Variants in INF2 observed in about 807,000 individuals in gnomAD.
INF2 encodes the protein inverted formin-2.
In INF2, 43 loss-of-function variants were observed where a neutral mutation model predicts 123.5. That is an observed-to-expected ratio of 0.35 (90% CI 0.27 to 0.45). The LOEUF (loss-of-function observed/expected upper bound fraction) is 0.45. Ranked by LOEUF, INF2 falls within the 20% of genes least tolerant of loss-of-function variation. INF2 has a pLI of 1.00. For synonymous variants in INF2, 851 were observed against 745.0 expected, an observed-to-expected ratio of 1.14 and a Z score of -2.32; for missense variants, 1,453 against 1,682.7, an observed-to-expected ratio of 0.86 and a Z score of 2.39.
rs979967600 is a variant in INF2, at chr14:104,719,099, G to A, written c.*306G>A. On this transcript the variant is annotated 3_prime_UTR_variant, in exon 23 of 23. Coordinates refer to ENST00000392634, the MANE Select transcript of INF2 (RefSeq NM_022489.4). Reference sequence around the variant, plus strand: ...ATGCGCCCGGTGCAGCCTGCCAAGGGCCAGTCGGGGGGTGCTGCGTCCTGC... The same window carrying A: ...ATGCGCCCGGTGCAGCCTGCCAAGGACCAGTCGGGGGGTGCTGCGTCCTGC... The A allele has an allele frequency of 2.0e-6, 1 of 507,728 alleles. No homozygotes were observed. Among genetic ancestry groups the A allele is most frequent in the South Asian group, 3.1e-5 (1 of 31,774 alleles). 31.5% of individuals were successfully genotyped at this position (507,728 alleles called of 1,614,324 possible).
rs947455057 is a variant in INF2 at position 104,699,578 on chromosome 14, C to A, written c.-9-1779C>A. ...CCCAGAGTGGGTGGGCAGAGGTGGC[C>A]GGAAGGTCTTGCGCATCTGGGTGAG... On this transcript the variant is annotated intron_variant, in intron 1 of 22. Transcript: ENST00000392634. This position sits in a 1 kb window ranked among gnomAD's most constrained non-coding sequence, Gnocchi z 4.7. The A allele has an allele frequency of 3.0e-6, 3 of 984,142 alleles. No homozygotes were observed. Among genetic ancestry groups the A allele is most frequent in the South Asian group, 4.7e-5 (1 of 21,222 alleles). The allele number at this position is 984,142 out of a possible 1,614,324, so 61.0% of individuals were successfully genotyped here.
intron 5 of INF2, chr14:104,704,846 A>T (rs1390460649): frequency 6.6e-6 from 1 of 152,272 alleles, no homozygotes; most frequent in Non-Finnish European, 1.5e-5. Context: ...CATGCAGTTC[A>T]TTCAGGTTTC....
chr14:104,689,155 G>C (rs920369553), upstream of INF2: 5 of 964,022 alleles, frequency 5.2e-6, no homozygotes, highest in East Asian at 5.8e-4. Context: ...CCCAAAGCCT[G>C]GGAAGAGCCA....
upstream of INF2, chr14:104,689,257 C>T (rs1401670500): frequency 1.0e-6 from 1 of 985,228 alleles, no homozygotes; most frequent in African/African-American, 1.7e-5. Context: ...TGAGCGGCGC[C>T]TGGGAGGCCA....
chr14:104,700,569 G>C (rs1889429369), intron 1 of INF2, among the ~76,000 whole-genome samples: 1 of 152,172 alleles, frequency 6.6e-6, no homozygotes, highest in Non-Finnish European at 1.5e-5. Context: ...TGGTGGCGTG[G>C]AGCTGATGTC....
In INF2 at chr14:104,703,474, C is replaced by A. The variant is rs182087942; in HGVS notation, c.667+20C>A. 2.4e-5 allele frequency: 38 copies of A among 1,609,256 alleles called. 1 individual carries two copies. Among genetic ancestry groups the A allele is most frequent in the African/African-American group, 2.1e-4 (16 of 75,012 alleles). ...TTATCGGTAAGCACCTGCCCTGGGC[C>A]GCATGCCCGCTCCTGCCCGCCTCTT... On this transcript the variant is annotated intron_variant, in intron 4 of 22. Coordinates refer to ENST00000392634, the MANE Select transcript of INF2 (RefSeq NM_022489.4).
intron 18 of INF2, 42 bp from the exon 19 acceptor site, chr14:104,713,165 G>A: frequency 6.3e-7 from 1 of 1,577,150 alleles, no homozygotes; most frequent in Non-Finnish European, 8.6e-7. Context: ...AGCCCCTGAG[G>A]GATGCCACGC....
intron 22 of INF2, among the ~76,000 whole-genome samples, chr14:104,717,036 A>G (rs1456522420): frequency 1.3e-5 from 2 of 152,238 alleles, no homozygotes; most frequent in Non-Finnish European, 2.9e-5. Flanking sequence ...AGGAAACTGC[A>G]TAGATCAGAA....
Position 104,713,488 on chromosome 14 carries a change from T to C in INF2, c.2922T>C (p.Asp974=). ...PGKQEEVCVI[D]ALLADIRKGF... is the part of the protein sequence containing the mutation. ...AGCAGGAGGAGGTGTGTGTCATCGA[T>C]GCCCTGCTGGCTGACATCAGGAAGG... The change falls in exon 20 of 23, where the codon GAT becomes GAC. Residue 974 remains aspartate, a synonymous_variant. Transcript: ENST00000392634. 1 of 1,611,636 alleles carries C rather than the reference T, an allele frequency of 6.2e-7. No individual in the cohort carries two copies. The highest frequency in any genetic ancestry group is 8.5e-7 in the Non-Finnish European group (1 of 1,179,476).
intron 22 of INF2, among the ~76,000 whole-genome samples, chr14:104,717,367 C>T (rs1405961680): frequency 1.3e-5 from 2 of 151,742 alleles, no homozygotes; most frequent in South Asian, 2.1e-4. Context: ...GCCGTCCTCC[C>T]AGTCCCCCCC....
chr14:104,702,548 T>G (rs1031241793), intron 2 of INF2, among the ~76,000 whole-genome samples: 3 of 152,014 alleles, frequency 2.0e-5, no homozygotes, highest in Non-Finnish European at 2.9e-5. Context: ...TGGGCGGGGC[T>G]GGGCCCATGG....
chr14:104,702,093 G>A (rs78480809), intron 2 of INF2, among the ~76,000 whole-genome samples: 8,109 of 152,134 alleles, frequency 0.053, 666 homozygotes, highest in African/African-American at 0.18. Context: ...CACCTCGGCG[G>A]CAGGAGTCAC....
At chr14:104,717,104 C>T (rs1367047397) in intron 22 of INF2, among the ~76,000 whole-genome samples, 1 of 152,260 alleles carries the variant, frequency 6.6e-6, no homozygotes, top group Non-Finnish European at 1.5e-5. Context: ...AAAATTGTGA[C>T]CATTTTGCTA....
At chr14:104,698,896 C>T (rs1412077597) in intron 1 of INF2, among the ~76,000 whole-genome samples, 3 of 152,204 alleles carry the variant, frequency 2.0e-5, no homozygotes, top group Non-Finnish European at 1.5e-5. Context: ...CGGTGGGACA[C>T]GGCCAGCTGG....
At chr14:104,693,218 T>A (rs540389144) in intron 1 of INF2, among the ~76,000 whole-genome samples, 11 of 152,222 alleles carry the variant, frequency 7.2e-5, no homozygotes, top group Non-Finnish European at 7.4e-5. Context: ...ACCTGCTTCC[T>A]GTGACCTGGA....
intron 1 of INF2, among the ~76,000 whole-genome samples, chr14:104,694,452 C>T (rs916310212): frequency 5.9e-5 from 9 of 152,226 alleles, no homozygotes; most frequent in Non-Finnish European, 8.8e-5. Context: ...ATGCAACGTC[C>T]TAGCTCCGTC....
intron 1 of INF2, chr14:104,700,810 G>GC: frequency 1.0e-6 from 1 of 984,372 alleles, no homozygotes; most frequent in Non-Finnish European, 1.2e-6. Context: ...CCTGGGAGTC[G>GC]CCCCTCCTCC....
rs373532334 is a variant in INF2 at position 104,711,650 on chromosome 14, G to A, written c.2440G>A (p.Asp814Asn). ...VLEEAEKSHP[D>N]LLQLPRDLEQ... The stretch of plus-strand genomic sequence containing the variant: ...GCAGGAAGCGGAAAAGAGCCACCCC[G>A]ACCTCCTGCAGCTGCCCCGGGACCT... The change falls in exon 16 of 23, where the codon GAC becomes AAC. Residue 814 changes from aspartate to asparagine, a missense_variant. Coordinates refer to ENST00000392634, the MANE Select transcript of INF2 (RefSeq NM_022489.4). 111 of 1,612,362 alleles carry A rather than the reference G, an allele frequency of 6.9e-5. No individual in the cohort carries two copies. The highest frequency in any genetic ancestry group is 8.3e-5 in the Non-Finnish European group (98 of 1,179,724).
chr14:104,718,324 C>T (rs1890409898), intron 22 of INF2, among the ~76,000 whole-genome samples: 1 of 152,188 alleles, frequency 6.6e-6, no homozygotes, highest in Non-Finnish European at 1.5e-5. Flanking sequence ...TGTGTGGGGG[C>T]CGTCTGGGTG....
Sources: allele counts gnomAD v4.1 joint callset (sites outside exome capture counted in the v4.1 genomes callset), GRCh38; gene constraint gnomAD v4.1.1; non-coding constraint Gnocchi (gnomAD v3.1); transcripts MANE v1.5; gene names NCBI Gene and HGNC (gene_info 2026-07-23, HGNC 2026-07-21).